Variants in PAX7 observed in about 807,000 individuals in gnomAD.
The protein encoded by PAX7 is paired box protein Pax-7.
In PAX7, 18 loss-of-function variants were observed where a neutral mutation model predicts 50.7. The observed-to-expected ratio is 0.36, with a 90% CI of 0.25 to 0.53. The LOEUF is 0.53. Ranked by LOEUF, PAX7 falls within the 20% of genes least tolerant of loss-of-function variation. PAX7 has a pLI of 0.93. For synonymous variants in PAX7, 310 were observed against 290.4 expected (o/e 1.07, Z -0.69); for missense variants, 644 against 702.9 (o/e 0.92, Z 0.95).
chr1:18,690,495 G>A (rs1042741053), intron 4 of PAX7, among the ~76,000 whole-genome samples: 1 of 152,214 alleles, frequency 6.6e-6, no homozygotes, highest in Non-Finnish European at 1.5e-5. Context: ...AGGATTGATG[G>A]GGACAGGGAG....
chr1:18,674,520 T>A (rs1458516583), intron 4 of PAX7, among the ~76,000 whole-genome samples: 3 of 152,130 alleles, frequency 2.0e-5, no homozygotes, highest in Non-Finnish European at 2.9e-5. Flanking sequence ...TTCCAGGCTG[T>A]GGTCTGTCAA....
At chr1:18,728,634 C>A (rs899977417) in intron 7 of PAX7, among the ~76,000 whole-genome samples, 1 of 151,172 alleles carries the variant, frequency 6.6e-6, no homozygotes. Flanking sequence ...GCCAAGGCAG[C>A]CAGATCACCT....
chr1:18,694,443 G>A (rs1305724915), intron 5 of PAX7, among the ~76,000 whole-genome samples: 1 of 150,216 alleles, frequency 6.7e-6, no homozygotes, highest in Non-Finnish European at 1.5e-5. Context: ...TGTGCAGCAA[G>A]AGCAAAACTC....
In PAX7 at chr1:18,634,524, G is replaced by A. The variant is rs745409821; in HGVS notation, c.307G>A (p.Gly103Ser). The A allele has an allele frequency of 2.5e-5, 40 of 1,613,784 alleles. No individual in the cohort carries two copies. The highest frequency in any genetic ancestry group is 4.5e-5 in the East Asian group (2 of 44,892). ...TGSIRPGAIG[G>S]SKPRQVATPD... ...GTCCATCCGGCCTGGGGCCATCGGC[G>A]GCAGCAAGCCCAGAGTGAGTGTCTT... is the stretch of plus-strand genomic sequence containing the variant. Residue 103 changes from glycine to serine, a missense_variant, in exon 2 of 9, where the codon GGC (glycine) becomes AGC (serine). Coordinates refer to ENST00000420770, the MANE Select transcript of PAX7 (RefSeq NM_001135254.2). The surrounding 1 kb of genome is among the most constrained non-coding windows in gnomAD (Gnocchi z 4.0).
At chr1:18,723,037 C>A (rs1029491240) in intron 7 of PAX7, among the ~76,000 whole-genome samples, 1 of 152,184 alleles carries the variant, frequency 6.6e-6, no homozygotes, top group Non-Finnish European at 1.5e-5. Context: ...ACTTCATAGT[C>A]CAGTTGGACA....
chr1:18,681,384 T>C (rs9439721), intron 4 of PAX7, among the ~76,000 whole-genome samples: 9,361 of 152,106 alleles, frequency 0.062, 376 homozygotes, highest in African/African-American at 0.11. Flanking sequence ...AACTTCAACC[T>C]CTTGCTTCAT....
intron 5 of PAX7, among the ~76,000 whole-genome samples, chr1:18,692,464 C>G (rs1228545360): frequency 6.6e-6 from 1 of 150,830 alleles, no homozygotes; most frequent in African/African-American, 2.4e-5. Context: ...GTCACTTGAA[C>G]GTGGGAGGCG....
rs1161672269 is a variant in PAX7, at chr1:18,748,845, A to G, written c.*3916A>G. On this transcript the variant is annotated 3_prime_UTR_variant, in exon 9 of 9. Transcript: ENST00000420770. ...TCTGTAACTCAGGCGTAACTGTTAT[A>G]CATTAAAAGAAATTAAAAGCATTTT... is the stretch of plus-strand genomic sequence containing the variant. The G allele has an allele frequency of 4.9e-6, 1 of 203,108 alleles. No homozygotes were observed. The highest frequency in any genetic ancestry group is 1.0e-5 in the Non-Finnish European group (1 of 99,006). The allele number at this position is 203,108 out of a possible 1,614,324, so 12.6% of individuals were successfully genotyped here. A position where few individuals can be genotyped will look rare whatever the true frequency, so the allele number is the denominator to read the frequency against.
Position 18,656,845 on chromosome 1 carries a change from A to G in PAX7, c.586+20474A>G, listed in dbSNP as rs2088529853. Among the ~76,000 whole-genome samples the G allele has an allele frequency of 2.6e-5, 4 of 152,054 alleles. No individual in the cohort carries two copies. The South Asian group carries it at 8.3e-4, about 32-fold the overall frequency. On this transcript the variant is annotated intron_variant, in intron 4 of 8. Transcript: ENST00000420770. The stretch of plus-strand genomic sequence containing the variant: ...CTCTCTACCAAAAAATAAAAAAATT[A>G]GCCGGGCATGGTGGGGCACGCCTGT...
chr1:18,744,726 ATG>A (rs1931352754), intron 8 of PAX7, 86 bp from the exon 9 acceptor site: 4 of 734,912 alleles, frequency 5.4e-6, no homozygotes, highest in African/African-American at 1.7e-5. Context: ...GGATGGATGG[ATG>A]GATGGATGGA....
Position 18,683,965 on chromosome 1 carries a change from T to G in PAX7, c.587-7789T>G, listed in dbSNP as rs114858110. Among the ~76,000 whole-genome samples, 1,175 of 152,248 alleles carry G rather than the reference T, an allele frequency of 7.7e-3. 19 individuals are homozygous for G. The highest frequency in any genetic ancestry group is 0.029 in the South Asian group (142 of 4,814). On this transcript the variant is annotated intron_variant, in intron 4 of 8. Coordinates refer to ENST00000420770, the MANE Select transcript of PAX7 (RefSeq NM_001135254.2). ...ATTGTGCTGAGGGAGGGTCGAGGGT[T>G]TCTCTGTTATTATCTGTGTTTTCAC...
At chr1:18,670,895 C>T (rs989286555) in intron 4 of PAX7, among the ~76,000 whole-genome samples, 6 of 152,198 alleles carry the variant, frequency 3.9e-5, no homozygotes, top group Admixed American at 2.6e-4. Flanking sequence ...AATTTACTCT[C>T]TGACACTTAA....
chr1:18,748,252 T>C lies in PAX7; in HGVS notation c.*3323T>C. The stretch of plus-strand genomic sequence containing the variant: ...ACTGCCAGAATCCAGTGTTTCAAGA[T>C]GGAGTTGGTGAAGCATCCAAGATTT... On this transcript the variant is annotated 3_prime_UTR_variant, in exon 9 of 9. Transcript: ENST00000420770. 4.4e-6 allele frequency: 1 copy of C among 227,340 alleles called. No homozygotes were observed. Among genetic ancestry groups the C allele is most frequent in the Non-Finnish European group, 8.7e-6 (1 of 114,338 alleles). The allele number at this position is 227,340 out of a possible 1,614,324, so 14.1% of individuals were successfully genotyped here. A position where few individuals can be genotyped will look rare whatever the true frequency, so the allele number is the denominator to read the frequency against.
intron 4 of PAX7, among the ~76,000 whole-genome samples, chr1:18,684,464 G>A (rs768866676): frequency 7.9e-5 from 12 of 152,186 alleles, no homozygotes; most frequent in African/African-American, 1.2e-4. Context: ...CTCCTCCGTC[G>A]CCCTGTCCTT....
At chr1:18,650,128 T>G (rs2088409239) in intron 4 of PAX7, among the ~76,000 whole-genome samples, 1 of 152,198 alleles carries the variant, frequency 6.6e-6, no homozygotes. Context: ...CCAAGGCTAC[T>G]CTGGAGGAGG....
At chr1:18,727,041 C>T (rs1344721175) in intron 7 of PAX7, among the ~76,000 whole-genome samples, 2 of 152,088 alleles carry the variant, frequency 1.3e-5, no homozygotes, top group African/African-American at 4.8e-5. Context: ...CATGCACACA[C>T]AGTAGTAGAT....
chr1:18,631,184 G>A lies in PAX7; in HGVS notation c.-420G>A, dbSNP rs1195172839. On this transcript the variant is annotated 5_prime_UTR_variant, in exon 1 of 9. Coordinates refer to ENST00000420770, the MANE Select transcript of PAX7 (RefSeq NM_001135254.2). The stretch of plus-strand genomic sequence containing the variant: ...CCAGAGCGCCAGAGCGCGAGAGCGC[G>A]GCGCTCGCCACTCTGAGGCTGGCGG... 4.2e-6 allele frequency: 1 copy of A among 239,066 alleles called. No individual in the cohort carries two copies. Among genetic ancestry groups the A allele is most frequent in the Non-Finnish European group, 8.2e-6 (1 of 122,254 alleles). The allele number at this position is 239,066 out of a possible 1,614,324, so 14.8% of individuals were successfully genotyped here. A position where few individuals can be genotyped will look rare whatever the true frequency, so the allele number is the denominator to read the frequency against.
At chr1:18,714,834 T>C (rs1355830681) in intron 7 of PAX7, among the ~76,000 whole-genome samples, 2 of 152,236 alleles carry the variant, frequency 1.3e-5, no homozygotes, top group Non-Finnish European at 2.9e-5. Context: ...CTTCCAGAGC[T>C]GCATGGCTTG....
chr1:18,681,935 A>C (rs1005717482), intron 4 of PAX7, among the ~76,000 whole-genome samples: 2 of 151,924 alleles, frequency 1.3e-5, no homozygotes, highest in African/African-American at 2.4e-5. Flanking sequence ...GACGGGTTTC[A>C]CCATGTTGGT....
Sources: allele counts gnomAD v4.1 joint callset (sites outside exome capture counted in the v4.1 genomes callset), GRCh38; gene constraint gnomAD v4.1.1; non-coding constraint Gnocchi (gnomAD v3.1); transcripts MANE v1.5; gene names NCBI Gene and HGNC (gene_info 2026-07-23, HGNC 2026-07-21).